The following GNA14 variants were observed in gnomAD, a reference collection of about 807,000 sequenced individuals.
The protein encoded by GNA14 is G protein subunit alpha 14.
GNA14 carries 50 observed loss-of-function variants against 42.0 expected under a neutral mutation model. The observed-to-expected ratio is 1.19, with a 90% CI of 0.95 to 1.51. The LOEUF is 1.51. GNA14 is among the 40% of genes most tolerant of loss of function. GNA14 has a pLI of 0.00. For synonymous variants in GNA14, 173 were observed against 163.1 expected, an observed-to-expected ratio of 1.06 and a Z score of -0.46; for missense variants, 473 against 446.2, an observed-to-expected ratio of 1.06 and a Z score of -0.54.
chr9:77,496,555 T>C (rs1451466913), intron 2 of GNA14, among the ~76,000 whole-genome samples: 1 of 152,076 alleles, frequency 6.6e-6, no homozygotes, highest in Non-Finnish European at 1.5e-5. Flanking sequence ...GGGCTGTGGG[T>C]TGCCAGGTGC....
chr9:77,557,899 T>G (rs1038672387), intron 1 of GNA14, among the ~76,000 whole-genome samples: 1 of 152,198 alleles, frequency 6.6e-6, no homozygotes, highest in Non-Finnish European at 1.5e-5. Flanking sequence ...GGGATTATCT[T>G]ACCCAACCCC....
intron 1 of GNA14, among the ~76,000 whole-genome samples, chr9:77,636,195 G>T (rs944327552): frequency 2.0e-5 from 3 of 152,192 alleles, no homozygotes; most frequent in Admixed American, 2.0e-4. Flanking sequence ...CAAATATTCT[G>T]GGATGGGTTA....
intron 1 of GNA14, among the ~76,000 whole-genome samples, chr9:77,622,002 C>T (rs1360793102): frequency 1.3e-5 from 2 of 152,124 alleles, no homozygotes; most frequent in Non-Finnish European, 2.9e-5. Context: ...CATAGCTCAC[C>T]GCAATCTTGA....
chr9:77,633,927 G>A (rs1157309329), intron 1 of GNA14, among the ~76,000 whole-genome samples: 1 of 152,070 alleles, frequency 6.6e-6, no homozygotes, highest in Non-Finnish European at 1.5e-5. Flanking sequence ...ATGACTGAAT[G>A]TATAAACGTC....
chr9:77,637,576 G>T (rs1264412651), intron 1 of GNA14, among the ~76,000 whole-genome samples: 1 of 152,210 alleles, frequency 6.6e-6, no homozygotes, highest in Non-Finnish European at 1.5e-5. Flanking sequence ...AAGTTGTTGA[G>T]CTGGGTGCAG....
At chr9:77,435,225 C>T (rs1387058596) in intron 2 of GNA14, among the ~76,000 whole-genome samples, 1 of 151,794 alleles carries the variant, frequency 6.6e-6, no homozygotes, top group Non-Finnish European at 1.5e-5. Flanking sequence ...GGCATGGCGG[C>T]GCGTGCCTGT....
intron 2 of GNA14, among the ~76,000 whole-genome samples, chr9:77,494,771 TTTTTGTTTTGTTTTG>T (rs143044675): frequency 0.2 from 29,691 of 149,948 alleles, 3,341 homozygotes; most frequent in South Asian, 0.37. Flanking sequence ...AGTTGTGGGG[TTTTTGTTTTGTTTTG>T]TTTTGTTTTG....
chr9:77,426,338 T>C (rs918371221), intron 5 of GNA14, among the ~76,000 whole-genome samples: 1 of 152,044 alleles, frequency 6.6e-6, no homozygotes, highest in Non-Finnish European at 1.5e-5. Context: ...GGAGTCTCGC[T>C]GTGTCGCCCA....
rs183996251 is a variant in GNA14 at position 77,501,064 on chromosome 9, C to T, written c.309+28005G>A. ...CCGCCTCCCGGGTTGAAGTAATTCT[C>T]CTGCCTCAGCCTCCCAAATAACTGG... On this transcript the variant is annotated intron_variant, in intron 2 of 6. Coordinates refer to ENST00000341700, the MANE Select transcript of GNA14 (RefSeq NM_004297.4). Among the ~76,000 whole-genome samples the T allele has an allele frequency of 3.3e-3, 499 of 152,240 alleles. 3 individuals are homozygous for T. The highest frequency in any genetic ancestry group is 0.012 in the African/African-American group (489 of 41,540).
chr9:77,647,980 G>C lies in GNA14; in HGVS notation c.-187C>G. 1.6e-6 allele frequency: 1 copy of C among 639,112 alleles called. No homozygotes were observed. Among genetic ancestry groups the C allele is most frequent in the East Asian group, 3.1e-5 (1 of 32,296 alleles). 39.6% of individuals were successfully genotyped at this position (639,112 alleles called of 1,614,324 possible). A position where few individuals can be genotyped will look rare whatever the true frequency, so the allele number is the denominator to read the frequency against. ...CAATCCCCCTTCGAAAGTCGGCTCT[G>C]AGGCGGGGTGAATGCCGAGCGCTGG... is the stretch of plus-strand genomic sequence containing the variant. On this transcript the variant is annotated 5_prime_UTR_variant, in exon 1 of 7. Coordinates refer to ENST00000341700, the MANE Select transcript of GNA14 (RefSeq NM_004297.4).
intron 2 of GNA14, among the ~76,000 whole-genome samples, chr9:77,478,655 G>C (rs1174037851): frequency 6.6e-6 from 1 of 152,160 alleles, no homozygotes; most frequent in Non-Finnish European, 1.5e-5. Context: ...CAGTATAAAA[G>C]TGTTCCTATT....
At chr9:77,513,775 C>A (rs1044097998) in intron 2 of GNA14, among the ~76,000 whole-genome samples, 1 of 152,232 alleles carries the variant, frequency 6.6e-6, no homozygotes, top group Admixed American at 6.5e-5. Context: ...TAGGACAAGT[C>A]CTCACTCCAG....
chr9:77,588,869 G>A (rs188462264), intron 1 of GNA14, among the ~76,000 whole-genome samples: 8 of 152,186 alleles, frequency 5.3e-5, no homozygotes, highest in Admixed American at 3.3e-4. Context: ...ACATGCAGTC[G>A]CAGAAAATTC....
At chr9:77,522,200 T>C (rs1385987529) in intron 2 of GNA14, among the ~76,000 whole-genome samples, 1 of 152,182 alleles carries the variant, frequency 6.6e-6, no homozygotes, top group East Asian at 1.9e-4. Flanking sequence ...GATTGTCTTA[T>C]CCATCAGAAG....
chr9:77,444,926 G>A (rs1323431557), intron 2 of GNA14, among the ~76,000 whole-genome samples: 1 of 152,212 alleles, frequency 6.6e-6, no homozygotes, highest in Non-Finnish European at 1.5e-5. Flanking sequence ...CCTGCTCCAT[G>A]CCAGATCCAG....
intron 1 of GNA14, among the ~76,000 whole-genome samples, chr9:77,645,888 A>G (rs1286803747): frequency 2.0e-5 from 3 of 152,180 alleles, no homozygotes. Context: ...TTATAAAGAA[A>G]AAAGTTACAT....
chr9:77,433,912 T>C (rs1835599600), intron 3 of GNA14, among the ~76,000 whole-genome samples: 1 of 152,162 alleles, frequency 6.6e-6, no homozygotes, highest in African/African-American at 2.4e-5. Context: ...GCCCCGCTGC[T>C]CTAAACTTGA....
chr9:77,447,187 G>A (rs541153040), intron 2 of GNA14, among the ~76,000 whole-genome samples: 15 of 152,130 alleles, frequency 9.9e-5, no homozygotes, highest in African/African-American at 3.6e-4. Context: ...TCAAATGATC[G>A]CTGACCTCGT....
intron 2 of GNA14, among the ~76,000 whole-genome samples, chr9:77,463,215 C>T (rs1836147028): frequency 6.6e-6 from 1 of 152,160 alleles, no homozygotes; most frequent in South Asian, 2.1e-4. Flanking sequence ...AGTAAGTAGA[C>T]CTCCTTTGCT....
Sources: allele counts gnomAD v4.1 joint callset (sites outside exome capture counted in the v4.1 genomes callset), GRCh38; gene constraint gnomAD v4.1.1; transcripts MANE v1.5; gene names NCBI Gene and HGNC (gene_info 2026-07-23, HGNC 2026-07-21).